The following SLC9B1 variants were observed in gnomAD, a reference collection of about 807,000 sequenced individuals.
The protein encoded by SLC9B1 is solute carrier family 9 member B1, also known as sodium/hydrogen exchanger 9B1.
In SLC9B1, 32 loss-of-function variants were observed where a neutral mutation model predicts 51.7. The ratio of observed to expected loss-of-function variants is 0.62; its 90% CI spans 0.47 to 0.83. SLC9B1 has a LOEUF of 0.83. Among genes scored for constraint, SLC9B1 ranks in the 40% least tolerant of loss-of-function variants. The pLI, the probability that SLC9B1 is intolerant of heterozygous loss-of-function variation, is 0.00. For synonymous variants in SLC9B1, 145 were observed against 212.7 expected (o/e 0.68, Z 2.77); for missense variants, 406 against 613.2 (o/e 0.66, Z 3.57).
chr4:102,999,442 G>A (rs186703482), intron 1 of SLC9B1, among the ~76,000 whole-genome samples: 139 of 151,910 alleles, frequency 9.2e-4, no homozygotes, highest in Admixed American at 1.7e-3. Context: ...TTTTATAATC[G>A]TAGTTATTGT....
In SLC9B1 at chr4:102,953,846, G is replaced by C. The variant is rs1039337095; in HGVS notation, c.212-4419C>G. Among the ~76,000 whole-genome samples, 5 of 26,044 alleles carry C rather than the reference G, an allele frequency of 1.9e-4. 2 individuals carry two copies. The African/African-American group carries it at 2.0e-3, about 10-fold the overall frequency. 17.1% of individuals were successfully genotyped at this position (26,044 alleles called of 152,430 possible). On this transcript the variant is annotated intron_variant, in intron 3 of 11. Coordinates refer to ENST00000296422, the MANE Select transcript of SLC9B1 (RefSeq NM_139173.4). ...CGTATCCTGAGACTTTGCTGAAGTT[G>C]CTTATCAGCTTAAGGAGATTTTGGG... is the stretch of plus-strand genomic sequence containing the variant.
At chr4:102,960,320 A>C (rs1470056946) in intron 3 of SLC9B1, among the ~76,000 whole-genome samples, 1 of 152,116 alleles carries the variant, frequency 6.6e-6, no homozygotes, top group East Asian at 1.9e-4. Flanking sequence ...GGGCAATTAC[A>C]ACTCTGGGTA....
chr4:102,999,273 T>G (rs969289953), intron 1 of SLC9B1, among the ~76,000 whole-genome samples: 21 of 152,240 alleles, frequency 1.4e-4, no homozygotes, highest in Non-Finnish European at 2.1e-4. Flanking sequence ...ATAGTGTCCT[T>G]TGTTGCACAT....
At chr4:102,887,256 T>C in intron 11 of SLC9B1, 1 of 837,712 alleles carries the variant, frequency 1.2e-6, no homozygotes, top group Non-Finnish European at 2.0e-6. Context: ...AGTGATATGC[T>C]TTCTTTCTGA....
chr4:103,016,434 C>T (rs906227830), intron 1 of SLC9B1, among the ~76,000 whole-genome samples: 2 of 152,046 alleles, frequency 1.3e-5, no homozygotes, highest in Non-Finnish European at 2.9e-5. Context: ...GTCTATAGTA[C>T]TACGTCAATT....
Position 103,006,569 on chromosome 4 carries a change from C to T in SLC9B1, c.-2+13030G>A, listed in dbSNP as rs113398907. Among the ~76,000 whole-genome samples the T allele has an allele frequency of 8.7e-4, 132 of 152,162 alleles. 2 individuals carry two copies. The highest frequency in any genetic ancestry group is 3.0e-3 in the African/African-American group (125 of 41,536). On this transcript the variant is annotated intron_variant, in intron 1 of 11. Coordinates refer to ENST00000296422, the MANE Select transcript of SLC9B1 (RefSeq NM_139173.4). ...CAGCCAAATTCTGCCAGATATATAA[C>T]GAAGACCTGGTAGCATTCCTACTGA...
chr4:102,915,512 A>G (rs1343566208), intron 7 of SLC9B1, among the ~76,000 whole-genome samples: 1 of 152,120 alleles, frequency 6.6e-6, no homozygotes, highest in East Asian at 1.9e-4. Context: ...CTCCCACCTC[A>G]ACCTCCCAAG....
chr4:102,940,698 T>C (rs1292233492), intron 6 of SLC9B1, among the ~76,000 whole-genome samples: 1 of 152,100 alleles, frequency 6.6e-6, no homozygotes, highest in Non-Finnish European at 1.5e-5. Context: ...AGACAACCTA[T>C]AGAGTGGGAG....
chr4:102,926,398 G>C (rs530425195), intron 7 of SLC9B1, among the ~76,000 whole-genome samples: 6 of 152,408 alleles, frequency 3.9e-5, no homozygotes, highest in Middle Eastern at 3.4e-3. Flanking sequence ...CTTCAGCAAA[G>C]TCTCAGGATA....
At chr4:103,015,753 C>A (rs928755845) in intron 1 of SLC9B1, among the ~76,000 whole-genome samples, 4 of 152,090 alleles carry the variant, frequency 2.6e-5, no homozygotes, top group Admixed American at 2.6e-4. Flanking sequence ...AGTATCAGGC[C>A]GAAGGTCTCA....
intron 3 of SLC9B1, among the ~76,000 whole-genome samples, chr4:102,959,293 A>G (rs1224446741): frequency 6.6e-6 from 1 of 152,080 alleles, no homozygotes. Context: ...AGAAGAAAAC[A>G]TAAGTGTAAT....
At chr4:102,980,726 C>T (rs182997332) in intron 3 of SLC9B1, among the ~76,000 whole-genome samples, 5 of 152,176 alleles carry the variant, frequency 3.3e-5, no homozygotes, top group African/African-American at 9.6e-5. Context: ...CATATGTACC[C>T]TGGAACTTAA....
At chr4:102,890,748 A>C (rs1355197924) in intron 11 of SLC9B1, 1 of 149,436 alleles carries the variant, frequency 6.7e-6, no homozygotes, top group Non-Finnish European at 1.5e-5. Context: ...GCTGAGGCAC[A>C]AGAATCTCTT....
intron 11 of SLC9B1, among the ~76,000 whole-genome samples, chr4:102,894,274 C>A (rs1310686692): frequency 6.6e-6 from 1 of 152,104 alleles, no homozygotes; most frequent in Non-Finnish European, 1.5e-5. Flanking sequence ...CATGAAACAA[C>A]GTTTCAATTA....
intron 6 of SLC9B1, chr4:102,941,584 G>A (rs1304817685): frequency 4.7e-6 from 2 of 425,818 alleles, no homozygotes; most frequent in Admixed American, 5.1e-5. Context: ...AGGTTGCAGT[G>A]AGCTGAGATT....
intron 3 of SLC9B1, among the ~76,000 whole-genome samples, chr4:102,972,107 T>A (rs1473456623): frequency 6.6e-6 from 1 of 151,902 alleles, no homozygotes; most frequent in Non-Finnish European, 1.5e-5. Flanking sequence ...TTCCAATCAA[T>A]ATAAAAACAG....
intron 3 of SLC9B1, among the ~76,000 whole-genome samples, chr4:102,968,506 A>G (rs1020397117): frequency 3.3e-5 from 5 of 152,270 alleles, no homozygotes; most frequent in Non-Finnish European, 2.9e-5. Context: ...CTTCATCAAA[A>G]TGATGAAATC....
chr4:103,009,436 T>C (rs1207641018), intron 1 of SLC9B1, among the ~76,000 whole-genome samples: 1 of 152,230 alleles, frequency 6.6e-6, no homozygotes, highest in Non-Finnish European at 1.5e-5. Flanking sequence ...CTCACCTCTC[T>C]CCTCTAAAGA....
At chr4:102,924,747 T>C (rs1339265128) in intron 7 of SLC9B1, among the ~76,000 whole-genome samples, 1 of 152,136 alleles carries the variant, frequency 6.6e-6, no homozygotes, top group African/African-American at 2.4e-5. Context: ...AGGCAAAGGA[T>C]ATGAACAGAC....
Sources: gnomAD v4.1 joint callset for allele counts (sites outside exome capture counted in the v4.1 genomes callset) on GRCh38, gnomAD v4.1.1 for gene constraint, MANE v1.5 for transcripts, NCBI Gene and HGNC (gene_info 2026-07-23, HGNC 2026-07-21) for gene names.